Variants in TEKTL1 observed in about 807,000 individuals in gnomAD.
The protein encoded by TEKTL1 is tektin-like protein 1.
At chr19:15,011,130 C>A in the TEKTL1 span, 7 of 1,532,294 alleles carry the variant, frequency 4.6e-6, no homozygotes, top group Admixed American at 2.1e-5. Context: ...AAGATGAAGC[C>A]GCCCGCCTGG....
the TEKTL1 span, chr19:15,021,210 C>G: frequency 1.0e-6 from 1 of 993,214 alleles, no homozygotes; most frequent in South Asian, 1.7e-5. Flanking sequence ...CTTACACTAT[C>G]CCCCGCGCCC....
the TEKTL1 span, among the ~76,000 whole-genome samples, chr19:15,018,645 C>A: frequency 1.4e-5 from 2 of 146,320 alleles, no homozygotes; most frequent in Admixed American, 1.4e-4. Context: ...CACAGGATGT[C>A]CAGGCTGCTG....
At chr19:15,012,398 C>A in the TEKTL1 span, among the ~76,000 whole-genome samples, 768 of 152,002 alleles carry the variant, frequency 5.1e-3, 10 homozygotes, top group African/African-American at 0.018. Flanking sequence ...ACCCTCTCTG[C>A]ACCAAAGTTT....
the TEKTL1 span, chr19:15,020,443 C>A: frequency 2.2e-5 from 36 of 1,608,796 alleles, no homozygotes; most frequent in Non-Finnish European, 3.0e-5. Flanking sequence ...TCTGTCTTCT[C>A]CTCCCCTCCC....
At chr19:15,013,276 A>G in the TEKTL1 span, among the ~76,000 whole-genome samples, 2 of 152,034 alleles carry the variant, frequency 1.3e-5, no homozygotes, top group Admixed American at 6.6e-5. Context: ...GTAAACCCTC[A>G]TCATCCGTAT....
chr19:15,010,841 C>A, the TEKTL1 span: 1 of 1,541,408 alleles, frequency 6.5e-7, no homozygotes, highest in East Asian at 2.4e-5. Flanking sequence ...CGTGTTGGTA[C>A]CCCCGGCTGA....
the TEKTL1 span, chr19:15,011,317 G>A: frequency 6.6e-7 from 1 of 1,520,584 alleles, no homozygotes; most frequent in East Asian, 2.5e-5. Flanking sequence ...CCGACCACAG[G>A]CTCAGCGAAG....
At chr19:15,020,357 C>A in the TEKTL1 span, 3 of 962,054 alleles carry the variant, frequency 3.1e-6, no homozygotes, top group South Asian at 1.7e-5. Context: ...GGTAGAAATG[C>A]TTTACAGCCT....
chr19:15,019,983 T>C, the TEKTL1 span, among the ~76,000 whole-genome samples: 2 of 141,804 alleles, frequency 1.4e-5, no homozygotes, highest in African/African-American at 5.3e-5. Flanking sequence ...AATATATATA[T>C]ACCCATAAGT....
At chr19:15,023,180 A>T in the TEKTL1 span, 1 of 1,464,744 alleles carries the variant, frequency 6.8e-7, no homozygotes, top group Non-Finnish European at 9.1e-7. Flanking sequence ...CTCGGAGAGC[A>T]GACACAGCCC....
the TEKTL1 span, chr19:15,020,682 C>T: frequency 5.7e-6 from 9 of 1,582,646 alleles, 1 homozygote; most frequent in Middle Eastern, 3.4e-4. Flanking sequence ...TGTACTGGGT[C>T]GTATTGGTGC....
the TEKTL1 span, chr19:15,013,783 G>C: frequency 6.3e-7 from 1 of 1,594,570 alleles, no homozygotes; most frequent in Non-Finnish European, 8.6e-7. Context: ...CAAGGTTAGG[G>C]GTGCCTGTGG....
the TEKTL1 span, among the ~76,000 whole-genome samples, chr19:15,021,041 G>A: frequency 7.9e-5 from 12 of 151,912 alleles, no homozygotes; most frequent in Non-Finnish European, 1.8e-4. Context: ...CACCACGCCC[G>A]GCTAATTTTT....
chr19:15,022,033 T>G, the TEKTL1 span: 1 of 808,174 alleles, frequency 1.2e-6, no homozygotes, highest in Non-Finnish European at 2.0e-6. Flanking sequence ...GGCCTGTCCT[T>G]CAACTCCTGC....
chr19:15,022,991 G>A, the TEKTL1 span: 23,250 of 1,613,134 alleles, frequency 0.014, 341 homozygotes, highest in African/African-American at 0.047. Flanking sequence ...TGAGGTGGAC[G>A]GCAACGTGGT....
the TEKTL1 span, chr19:15,011,236 C>T: frequency 1.3e-6 from 2 of 1,486,934 alleles, no homozygotes; most frequent in East Asian, 2.6e-5. Flanking sequence ...GCCTCACCGC[C>T]GCCCGCCTCG....
chr19:15,022,625 G>A, the TEKTL1 span, among the ~76,000 whole-genome samples: 1 of 151,892 alleles, frequency 6.6e-6, no homozygotes. Context: ...CACCGCGTCC[G>A]GCCCTGAGCT....
At chr19:15,022,009 C>T in the TEKTL1 span, 1 of 1,027,750 alleles carries the variant, frequency 9.7e-7, no homozygotes, top group South Asian at 1.5e-5. Flanking sequence ...TATGATCCCC[C>T]TCTCACCCAA....
At chr19:15,013,334 C>T in the TEKTL1 span, among the ~76,000 whole-genome samples, 2 of 152,168 alleles carry the variant, frequency 1.3e-5, no homozygotes, top group Non-Finnish European at 1.5e-5. Context: ...AAGACCATCA[C>T]TGAGGAAGGG....
Sources: allele counts gnomAD v4.1 joint callset (sites outside exome capture counted in the v4.1 genomes callset), GRCh38; gene constraint gnomAD v4.1.1; transcripts MANE v1.5; gene names NCBI Gene and HGNC (gene_info 2026-07-23, HGNC 2026-07-21).